The following TSC22D1 variants were observed in gnomAD, a reference collection of about 807,000 sequenced individuals.
TSC22D1 encodes the protein TSC22 domain family member 1, also known as TSC22 domain family protein 1.
A neutral mutation model predicts 74.2 loss-of-function variants in TSC22D1; 9 were observed. That is an observed-to-expected ratio of 0.12 (90% CI 0.07 to 0.21). TSC22D1 has a LOEUF of 0.21. TSC22D1 is among the 10% of genes least tolerant of loss of function. The pLI, the probability that TSC22D1 is intolerant of heterozygous loss-of-function variation, is 1.00. For missense variants in TSC22D1, 1,427 were observed against 1,304.7 expected (o/e 1.09, Z -1.44); for synonymous variants, 586 against 492.5 (o/e 1.19, Z -2.51).
chr13:44,571,935 G>A (rs992278085), intron 1 of TSC22D1, among the ~76,000 whole-genome samples: 1 of 151,934 alleles, frequency 6.6e-6, no homozygotes, highest in African/African-American at 2.4e-5. Flanking sequence ...CATTTGACCT[G>A]TTTTCTTTTT....
intron 1 of TSC22D1, among the ~76,000 whole-genome samples, chr13:44,450,215 T>A (rs995767337): frequency 6.6e-6 from 1 of 152,184 alleles, no homozygotes; most frequent in Non-Finnish European, 1.5e-5. Flanking sequence ...GCCAGGGTCA[T>A]GAAGCAGCAT....
chr13:44,462,596 C>T (rs1336120775), intron 1 of TSC22D1, among the ~76,000 whole-genome samples: 1 of 152,162 alleles, frequency 6.6e-6, no homozygotes, highest in Non-Finnish European at 1.5e-5. Flanking sequence ...AATTACAGCA[C>T]AAAAATCTAA....
At chr13:44,473,222 C>T (rs1474000729) in intron 1 of TSC22D1, among the ~76,000 whole-genome samples, 2 of 152,188 alleles carry the variant, frequency 1.3e-5, no homozygotes, top group Non-Finnish European at 2.9e-5. Context: ...AGGCCAGGCA[C>T]AACGGCACAG....
intron 1 of TSC22D1, among the ~76,000 whole-genome samples, chr13:44,485,925 G>GGGAT (rs1460925012): frequency 2.6e-5 from 4 of 151,896 alleles, no homozygotes; most frequent in African/African-American, 9.7e-5. Context: ...TTTTTCAAGG[G>GGGAT]GGATGGGTTT....
rs1433007146 is a variant in TSC22D1, at chr13:44,575,017, G to C, written c.1058C>G (p.Pro353Arg). The change falls in exon 1 of 3, where the codon CCT becomes CGT. Residue 353 changes from proline (P) to arginine (R), a missense_variant. Around this residue, in one of 3 missense-constraint regions of TSC22D1, gnomAD observed 1,343 missense variants for 1,191.5 expected, o/e 1.13. Transcript: ENST00000458659. ...IPSAAGVSVGPGVTSGVNVNI... is the reference protein window; with the variant it reads ...IPSAAGVSVGRGVTSGVNVNI... The stretch of plus-strand genomic sequence containing the variant: ...CACATTAACACCACTGGTAACTCCA[G>C]GCCCAACACTCACACCAGCAGCACT... 1.2e-6 allele frequency: 2 copies of C among 1,614,078 alleles called. No individual in the cohort carries two copies. Among genetic ancestry groups the C allele is most frequent in the South Asian group, 2.2e-5 (2 of 91,078 alleles).
At chr13:44,544,754 A>T (rs1414937326) in intron 1 of TSC22D1, among the ~76,000 whole-genome samples, 1 of 152,174 alleles carries the variant, frequency 6.6e-6, no homozygotes, top group East Asian at 1.9e-4. Context: ...TTTGGAAAAT[A>T]TACCATCTGA....
chr13:44,557,521 T>A (rs891830216), intron 1 of TSC22D1, among the ~76,000 whole-genome samples: 14 of 152,330 alleles, frequency 9.2e-5, no homozygotes, highest in African/African-American at 3.4e-4. Context: ...ACAAGCTAAA[T>A]CCTATTTTTC....
intron 1 of TSC22D1, among the ~76,000 whole-genome samples, chr13:44,477,118 A>T (rs1381233773): frequency 6.6e-6 from 1 of 151,868 alleles, no homozygotes; most frequent in East Asian, 1.9e-4. Flanking sequence ...GTAGCTGGCT[A>T]ATTTTTGTAT....
chr13:44,434,317 G>A lies in TSC22D1; in HGVS notation c.*309C>T. On this transcript the variant is annotated 3_prime_UTR_variant, in exon 3 of 3. Transcript: ENST00000458659. ...GAAGTGAGGGGTAGGGAGCCGGAAG[G>A]GATGGAAAGGCACACAGCTCCTGAG... 1 of 1,375,306 alleles carries A rather than the reference G, an allele frequency of 7.3e-7. No homozygotes were observed. Among genetic ancestry groups the A allele is most frequent in the Non-Finnish European group, 9.3e-7 (1 of 1,074,320 alleles). The allele number at this position is 1,375,306 out of a possible 1,614,324, so 85.2% of individuals were successfully genotyped here.
In TSC22D1 at chr13:44,515,274, T is replaced by C. The variant is rs532911393; in HGVS notation, c.2912+57889A>G. Among the ~76,000 whole-genome samples, 16 of 152,128 alleles carry C rather than the reference T, an allele frequency of 1.1e-4. 1 individual carries two copies. In the South Asian group the frequency reaches 2.9e-3, roughly 28 times the overall value. On this transcript the variant is annotated intron_variant, in intron 1 of 2. Coordinates refer to ENST00000458659, the MANE Select transcript of TSC22D1 (RefSeq NM_183422.4). Reference sequence around the variant, plus strand: ...TAGAGATTGGTTAAGTAAAATGTGGTATATCCATGAGACACAATCCTCTAC... The same window carrying C: ...TAGAGATTGGTTAAGTAAAATGTGGCATATCCATGAGACACAATCCTCTAC...
intron 1 of TSC22D1, chr13:44,538,522 A>G (rs550333024): frequency 2.0e-6 from 2 of 985,436 alleles, no homozygotes; most frequent in South Asian, 9.4e-5. Context: ...AATGTTTTAA[A>G]TGAAACAGAT....
rs58533025 is a variant in TSC22D1 at position 44,448,138 on chromosome 13, T to C, written c.2913-12043A>G. ...ATAAAACATCTGAAGAAGTGACAAG[T>C]TGTCCTGATTATGATTTTCTATTTC... On this transcript the variant is annotated intron_variant, in intron 1 of 2. Coordinates refer to ENST00000458659, the MANE Select transcript of TSC22D1 (RefSeq NM_183422.4). Among the ~76,000 whole-genome samples, 407 of 152,240 alleles carry C rather than the reference T, an allele frequency of 2.7e-3. 2 individuals carry two copies. Among genetic ancestry groups the C allele is most frequent in the African/African-American group, 8.5e-3 (352 of 41,552 alleles).
chr13:44,555,626 TAAATAAAC>T (rs1407583722), intron 1 of TSC22D1, among the ~76,000 whole-genome samples: 2 of 151,734 alleles, frequency 1.3e-5, no homozygotes, highest in Admixed American at 6.6e-5. Context: ...AATAAATAAA[TAAATAAAC>T]AAATATGTAC....
intron 1 of TSC22D1, among the ~76,000 whole-genome samples, chr13:44,442,691 T>G (rs1595079903): frequency 6.6e-6 from 1 of 151,682 alleles, no homozygotes; most frequent in East Asian, 1.9e-4. Flanking sequence ...CCGAGGCAGG[T>G]GGATCTCTTT....
rs1374754646 is a variant in TSC22D1, at chr13:44,574,789, A to G, written c.1286T>C (p.Phe429Ser). 1 of 1,614,080 alleles carries G rather than the reference A, an allele frequency of 6.2e-7. No individual in the cohort carries two copies. Among genetic ancestry groups the G allele is most frequent in the South Asian group, 1.1e-5 (1 of 91,084 alleles). The change falls in exon 1 of 3, where the codon TTC becomes TCC. Residue 429 changes from phenylalanine to serine, a missense_variant. Phe to Ser is a radical substitution (Grantham distance 155, BLOSUM62 -2). Transcript: ENST00000458659. ...FKKGRWTCTE[F>S]YEKENAVPAT... ...AGGTACAGCATTTTCTTTTTCATAG[A>G]ACTCAGTGCAAGTCCATCTACCTTT...
intron 1 of TSC22D1, among the ~76,000 whole-genome samples, chr13:44,558,526 G>A (rs1882835372): frequency 6.6e-6 from 1 of 152,070 alleles, no homozygotes; most frequent in Non-Finnish European, 1.5e-5. Flanking sequence ...GACAGTCTGA[G>A]CTCAGAAGTT....
intron 1 of TSC22D1, among the ~76,000 whole-genome samples, chr13:44,490,174 C>G (rs1878632989): frequency 1.3e-5 from 2 of 152,058 alleles, no homozygotes; most frequent in Admixed American, 6.6e-5. Flanking sequence ...CTATTAAGCT[C>G]AACATGAATG....
At chr13:44,471,807 T>C (rs1877622708) in intron 1 of TSC22D1, among the ~76,000 whole-genome samples, 1 of 152,222 alleles carries the variant, frequency 6.6e-6, no homozygotes, top group Admixed American at 6.5e-5. Context: ...TCCTCCCTTA[T>C]CTGTGGTTTC....
chr13:44,506,969 T>C (rs1879477706), intron 1 of TSC22D1, among the ~76,000 whole-genome samples: 1 of 151,976 alleles, frequency 6.6e-6, no homozygotes, highest in Non-Finnish European at 1.5e-5. Flanking sequence ...CATGAGAAAA[T>C]GGAGTCAAAG....
Sources: allele counts gnomAD v4.1 joint callset (sites outside exome capture counted in the v4.1 genomes callset), GRCh38; gene constraint gnomAD v4.1.1; regional missense constraint gnomAD v4.1.1; transcripts MANE v1.5; gene names NCBI Gene and HGNC (gene_info 2026-07-23, HGNC 2026-07-21).